TEX11: variants seen among roughly 807,000 people sequenced by gnomAD.
TEX11 encodes the protein testis-expressed protein 11.
Under a neutral mutation model 84.4 loss-of-function variants are expected in TEX11, and 7 were observed. The observed-to-expected ratio is 0.08, with a 90% confidence interval of 0.05 to 0.16. TEX11 has a LOEUF of 0.16. TEX11 is among the 10% of genes least tolerant of loss of function. The probability of loss-of-function intolerance (pLI) is 1.00; values close to 1 mark genes in which losing one functional copy is unlikely to be tolerated. For synonymous variants in TEX11, 264 were observed against 222.8 expected (o/e 1.18, Z -1.64); for missense variants, 551 against 660.5 (o/e 0.83, Z 1.82).
chrX:70,827,514 A>G (rs1395116031), intron 8 of TEX11, among the ~76,000 whole-genome samples: 1 of 111,553 alleles, frequency 9.0e-6, no homozygotes, highest in Non-Finnish European at 1.9e-5. Context: ...ACTGCCCTGA[A>G]GGGTGAGTCC....
chrX:70,713,553 T>C (rs927464538), intron 13 of TEX11, among the ~76,000 whole-genome samples: 8 of 112,289 alleles, frequency 7.1e-5, no homozygotes, highest in Middle Eastern at 4.6e-3. Context: ...TATCCATTTC[T>C]TCTAGATTTT....
chrX:70,719,349 T>C (rs933651893), intron 13 of TEX11, among the ~76,000 whole-genome samples: 12 of 112,160 alleles, frequency 1.1e-4, no homozygotes, highest in Non-Finnish European at 2.3e-4. Context: ...ACTTAAGTTA[T>C]TTTGACCAGT....
At chrX:70,740,199 T>A (rs1050004686) in intron 11 of TEX11, among the ~76,000 whole-genome samples, 2 of 111,789 alleles carry the variant, frequency 1.8e-5, no homozygotes, top group Non-Finnish European at 3.8e-5. Context: ...ATAAACTAGA[T>A]ACTTTACAAA....
chrX:70,722,973 A>G (rs1366095467), intron 12 of TEX11, among the ~76,000 whole-genome samples: 1 of 111,671 alleles, frequency 9.0e-6, no homozygotes, highest in Non-Finnish European at 1.9e-5. Context: ...TGGGGTAGAG[A>G]GCTTGGTATC....
At chrX:70,587,920 A>G (rs2088876097) in intron 25 of TEX11, among the ~76,000 whole-genome samples, 1 of 112,709 alleles carries the variant, frequency 8.9e-6, no homozygotes, top group Non-Finnish European at 1.9e-5. Flanking sequence ...TATGTGAGAC[A>G]TGGAGTCAAA....
intron 9 of TEX11, among the ~76,000 whole-genome samples, chrX:70,792,120 C>T (rs1210980258): frequency 1.5e-5 from 1 of 68,236 alleles, no homozygotes; most frequent in South Asian, 8.0e-4. Flanking sequence ...AGCAAAACTC[C>T]GTCTCAAAAA....
intron 2 of TEX11, among the ~76,000 whole-genome samples, chrX:70,905,679 T>C (rs886095333): frequency 1.1e-4 from 12 of 110,689 alleles, no homozygotes; most frequent in Non-Finnish European, 7.5e-5. Context: ...AATGAATAAA[T>C]TGTGGTACAT....
intron 13 of TEX11, among the ~76,000 whole-genome samples, chrX:70,717,480 C>T (rs145275358): frequency 2.7e-5 from 3 of 110,850 alleles, no homozygotes; most frequent in Admixed American, 9.6e-5. Context: ...CACCACAGCC[C>T]GCTCATTTTT....
chrX:70,842,689 A>T (rs1260686880), intron 7 of TEX11, among the ~76,000 whole-genome samples: 1 of 111,654 alleles, frequency 9.0e-6, no homozygotes, highest in African/African-American at 3.3e-5. Flanking sequence ...AGGAAGTCAA[A>T]TTGTCCCTGT....
chrX:70,776,565 GAA>G (rs781761552), intron 9 of TEX11, among the ~76,000 whole-genome samples: 1 of 88,105 alleles, frequency 1.1e-5, no homozygotes, highest in Non-Finnish European at 2.3e-5. Flanking sequence ...CCCTGTCTTG[GAA>G]AAAAAAAAAA....
At chrX:70,838,237 G>A (rs927308449) in intron 7 of TEX11, among the ~76,000 whole-genome samples, 8 of 111,258 alleles carry the variant, frequency 7.2e-5, no homozygotes, top group South Asian at 7.6e-4. Context: ...TGGTCAACAC[G>A]GTGAAACACC....
intron 20 of TEX11, among the ~76,000 whole-genome samples, chrX:70,614,578 G>T (rs1353350292): frequency 8.9e-6 from 1 of 111,957 alleles, no homozygotes; most frequent in Non-Finnish European, 1.9e-5. Context: ...TGGGGCCTGG[G>T]GGAACTTGCT....
intron 13 of TEX11, among the ~76,000 whole-genome samples, chrX:70,702,476 C>T (rs1290559514): frequency 8.9e-6 from 1 of 112,040 alleles, no homozygotes; most frequent in Non-Finnish European, 1.9e-5. Flanking sequence ...TTTACATGCA[C>T]TGAGAAATAA....
intron 25 of TEX11, among the ~76,000 whole-genome samples, chrX:70,571,274 C>T (rs2088594350): frequency 8.9e-6 from 1 of 112,195 alleles, no homozygotes; most frequent in Non-Finnish European, 1.9e-5. Flanking sequence ...CCGCCTTGGC[C>T]TCCCAAAGTG....
intron 8 of TEX11, among the ~76,000 whole-genome samples, chrX:70,833,304 GA>G (rs2091387638): frequency 1.1e-5 from 1 of 88,503 alleles, no homozygotes; most frequent in African/African-American, 4.3e-5. Flanking sequence ...GAAAAGAAAA[GA>G]AAAGAAAAAA....
intron 5 of TEX11, among the ~76,000 whole-genome samples, chrX:70,854,173 T>C (rs2091522848): frequency 9.0e-6 from 1 of 111,076 alleles, no homozygotes; most frequent in South Asian, 3.8e-4. Flanking sequence ...GAAAATAGAA[T>C]TGAGAGAGCT....
At chrX:70,772,726 C>T (rs376811175) in intron 9 of TEX11, among the ~76,000 whole-genome samples, 10 of 110,731 alleles carry the variant, frequency 9.0e-5, no homozygotes, top group South Asian at 3.8e-4. Flanking sequence ...TAATTACAAG[C>T]GAACACAGAC....
intron 15 of TEX11, among the ~76,000 whole-genome samples, chrX:70,672,447 C>A (rs1360558262): frequency 1.8e-5 from 2 of 111,874 alleles, no homozygotes; most frequent in Admixed American, 1.9e-4. Context: ...TTTTCCAAAC[C>A]GTCTGTACTA....
At chrX:70,768,125 T>C (rs1004868918) in intron 9 of TEX11, among the ~76,000 whole-genome samples, 12 of 111,441 alleles carry the variant, frequency 1.1e-4, no homozygotes, top group African/African-American at 3.9e-4. Flanking sequence ...TTAAAATAAC[T>C]AAAATAGTAT....
Sources: gnomAD v4.1 joint callset for allele counts (sites outside exome capture counted in the v4.1 genomes callset) on GRCh38, gnomAD v4.1.1 for gene constraint, MANE v1.5 for transcripts, NCBI Gene and HGNC (gene_info 2026-07-23, HGNC 2026-07-21) for gene names.